The following ZNF181 variants were observed in gnomAD, a reference collection of about 807,000 sequenced individuals.
ZNF181 encodes the protein zinc finger protein 181 (HHZ181).
In ZNF181, 8 loss-of-function variants were observed where a neutral mutation model predicts 11.9. That is an observed-to-expected ratio of 0.67 (90% CI 0.39 to 1.21). ZNF181 has a LOEUF of 1.21. Ranked by LOEUF, ZNF181 falls within the 50% of genes most tolerant of loss-of-function variation. The pLI, the probability that ZNF181 is intolerant of heterozygous loss-of-function variation, is 0.01. For synonymous variants in ZNF181, 202 were observed against 221.1 expected (o/e 0.91, Z 0.77); for missense variants, 542 against 670.9 (o/e 0.81, Z 2.12).
At position 34,741,381 on chromosome 19, in the gene ZNF181, T is replaced by G; in HGVS notation, c.1000T>G (p.Ser334Ala). The G allele has an allele frequency of 6.2e-7, 1 of 1,613,868 alleles. No individual in the cohort carries two copies. Among genetic ancestry groups the G allele is most frequent in the Non-Finnish European group, 8.5e-7 (1 of 1,179,812 alleles). ...CTGTGGAAAGTCTTTTAGTCGTGTG[T>G]CCCATCTTATTGAACATCTAAGAAT... is the stretch of plus-strand genomic sequence containing the variant. Reference protein sequence around the residue: ...MNCGKSFSRVSHLIEHLRIHT... With the variant: ...MNCGKSFSRVAHLIEHLRIHT... Residue 334 changes from serine (S) to alanine (A), a missense_variant, in exon 4 of 4, where the codon TCC becomes GCC. By Grantham distance (99) the Ser-to-Ala change is moderately conservative (BLOSUM62 1). Coordinates refer to ENST00000492450, the MANE Select transcript of ZNF181 (RefSeq NM_001029997.4).
At chr19:34,735,839 T>C (rs1218612261) in intron 1 of ZNF181, among the ~76,000 whole-genome samples, 2 of 152,224 alleles carry the variant, frequency 1.3e-5, no homozygotes, top group African/African-American at 2.4e-5. Context: ...CTTGCATCCT[T>C]ATCTTCTTCG....
rs1464832711 is a variant in ZNF181, at chr19:34,743,439, T to G, written c.*1342T>G. The G allele has an allele frequency of 6.6e-6, 1 of 152,206 alleles. No homozygotes were observed. The highest frequency in any genetic ancestry group is 1.5e-5 in the Non-Finnish European group (1 of 68,034). 9.4% of individuals were successfully genotyped at this position (152,206 alleles called of 1,614,324 possible). A position where few individuals can be genotyped will look rare whatever the true frequency, so the allele number is the denominator to read the frequency against. The stretch of plus-strand genomic sequence containing the variant: ...TCAGAGCAGGCTTAGCGAGATGTGA[T>G]TTTTGAAATGAATCCTAAATGATGA... On this transcript the variant is annotated 3_prime_UTR_variant, in exon 4 of 4. Coordinates refer to ENST00000492450, the MANE Select transcript of ZNF181 (RefSeq NM_001029997.4).
In ZNF181 at chr19:34,744,840, T is replaced by G. The variant is rs1343852279; in HGVS notation, c.*2743T>G. The G allele has an allele frequency of 6.6e-6, 1 of 152,178 alleles. No individual in the cohort carries two copies. The highest frequency in any genetic ancestry group is 1.5e-5 in the Non-Finnish European group (1 of 68,028). 9.4% of individuals were successfully genotyped at this position (152,178 alleles called of 1,614,324 possible). A position where few individuals can be genotyped will look rare whatever the true frequency, so the allele number is the denominator to read the frequency against. The stretch of plus-strand genomic sequence containing the variant: ...CCACAGAGATGAAGTAGTCCTATAA[T>G]GCCCAGATTTTGTTTCCACTACACA... On this transcript the variant is annotated 3_prime_UTR_variant, in exon 4 of 4. Transcript: ENST00000492450.
At position 34,742,144 on chromosome 19, in the gene ZNF181, A is replaced by T; in HGVS notation, c.*47A>T. ...TTTCCTAGATTCTCCCTTATTTAACATTAGAAAAATTTATACTGGGGAAAG... is the reference window on the plus strand; with the variant it reads ...TTTCCTAGATTCTCCCTTATTTAACTTTAGAAAAATTTATACTGGGGAAAG... On this transcript the variant is annotated 3_prime_UTR_variant, in exon 4 of 4. Transcript: ENST00000492450. 7 of 1,496,148 alleles carry T rather than the reference A, an allele frequency of 4.7e-6. No individual in the cohort carries two copies. Among genetic ancestry groups the T allele is most frequent in the Non-Finnish European group, 6.2e-6 (7 of 1,122,564 alleles). The allele number at this position is 1,496,148 out of a possible 1,614,324, so 92.7% of individuals were successfully genotyped here.
chr19:34,735,063 G>C lies in ZNF181; in HGVS notation c.9+17G>C, dbSNP rs745572805. On this transcript the variant is annotated intron_variant, in intron 1 of 3. Transcript: ENST00000492450. ...ATGCCTCAGGTAGGTCGGTGTGTCCGCAAATCTTCCTGAAACACTTTATCA... is the reference window on the plus strand; with the variant it reads ...ATGCCTCAGGTAGGTCGGTGTGTCCCCAAATCTTCCTGAAACACTTTATCA... 1.3e-6 allele frequency: 2 copies of C among 1,568,624 alleles called. No homozygotes were observed. Among genetic ancestry groups the C allele is most frequent in the Admixed American group, 1.9e-5 (1 of 53,078 alleles).
In ZNF181 at chr19:34,740,852, C is replaced by A; in HGVS notation, c.471C>A (p.Tyr157Ter). ...CCACTGCAGACAGTGTTTACAAATA[C>A]AATATATTTAGAAGCACCTTTCATT... is the stretch of plus-strand genomic sequence containing the variant. ...ESPTADSVYK[Y>*]NIFRSTFHSK... Residue 157 changes from tyrosine (Y) to a stop codon, truncating the protein, a stop_gained, in exon 4 of 4, where the codon TAC (tyrosine) becomes TAA (stop). Coordinates refer to ENST00000492450, the MANE Select transcript of ZNF181 (RefSeq NM_001029997.4). LOFTEE classifies it low-confidence loss of function (END_TRUNC). 1 of 1,613,982 alleles carries A rather than the reference C, an allele frequency of 6.2e-7. No homozygotes were observed. Among genetic ancestry groups the A allele is most frequent in the Non-Finnish European group, 8.5e-7 (1 of 1,179,968 alleles).
rs1461609010 is a variant in ZNF181 at position 34,740,906 on chromosome 19, A to C, written c.525A>C (p.Lys175Asn). 2 of 1,613,938 alleles carry C rather than the reference A, an allele frequency of 1.2e-6. No individual in the cohort carries two copies. The highest frequency in any genetic ancestry group is 1.7e-6 in the Non-Finnish European group (2 of 1,179,984). The change falls in exon 4 of 4, where the codon AAA becomes AAC. Residue 175 changes from lysine to asparagine, a missense_variant. Transcript: ENST00000492450. ...HSKSTLSEPQ[K>N]ISAEGNSHKY... is the part of the protein sequence containing the mutation. ...AGTCTACTCTTTCTGAACCACAAAA[A>C]ATTTCTGCTGAAGGGAATTCACACA...
chr19:34,741,296 C>G lies in ZNF181; in HGVS notation c.915C>G (p.Val305=), dbSNP rs757699131. ...CIECGKAFSH[V]SSLTNHQSTH... ...AATGTGGGAAGGCCTTTAGCCATGT[C>G]TCATCACTTACTAACCATCAGAGCA... Residue 305 remains valine (V), a synonymous_variant, in exon 4 of 4, where the codon GTC becomes GTG. Coordinates refer to ENST00000492450, the MANE Select transcript of ZNF181 (RefSeq NM_001029997.4). 2.5e-6 allele frequency: 4 copies of G among 1,613,878 alleles called. No homozygotes were observed. Among genetic ancestry groups the G allele is most frequent in the Non-Finnish European group, 1.7e-6 (2 of 1,179,828 alleles).
chr19:34,741,395 A>G lies in ZNF181; in HGVS notation c.1014A>G (p.Glu338=), dbSNP rs1184352330. Residue 338 remains glutamate, a synonymous_variant, in exon 4 of 4, where the codon GAA becomes GAG. Coordinates refer to ENST00000492450, the MANE Select transcript of ZNF181 (RefSeq NM_001029997.4). ...TTAGTCGTGTGTCCCATCTTATTGAACATCTAAGAATTCATACTCAAGAAA... is the reference window on the plus strand; with the variant it reads ...TTAGTCGTGTGTCCCATCTTATTGAGCATCTAAGAATTCATACTCAAGAAA... ...KSFSRVSHLI[E]HLRIHTQEKL... 17 of 1,613,778 alleles carry G rather than the reference A, an allele frequency of 1.1e-5. No individual in the cohort carries two copies. The highest frequency in any genetic ancestry group is 3.3e-5 in the Admixed American group (2 of 59,970).
In ZNF181 at chr19:34,740,734, A is replaced by C. The variant is rs3826981; in HGVS notation, c.353A>C (p.Lys118Thr). Residue 118 changes from lysine to threonine, a missense_variant, in exon 4 of 4, where the codon AAG becomes ACG. Coordinates refer to ENST00000492450, the MANE Select transcript of ZNF181 (RefSeq NM_001029997.4). ...CAAAGTTATGAATTTTCAAATTCTAAGAAGAATTTGGAATATATAGAGAAG... is the reference window on the plus strand; with the variant it reads ...CAAAGTTATGAATTTTCAAATTCTACGAAGAATTTGGAATATATAGAGAAG... The part of the protein sequence containing the change: ...VKQSYEFSNS[K>T]KNLEYIEKLE... 1.8e-5 allele frequency: 29 copies of C among 1,613,490 alleles called. No individual in the cohort carries two copies. The highest frequency in any genetic ancestry group is 2.5e-5 in the Non-Finnish European group (29 of 1,179,766).
intron 1 of ZNF181, 132 bp from the exon 2 acceptor site, chr19:34,739,016 T>C: frequency 7.5e-7 from 1 of 1,337,714 alleles, no homozygotes; most frequent in Non-Finnish European, 1.0e-6. Flanking sequence ...TTAACTGAGA[T>C]CACATTCCCA....
At chr19:34,739,038 A>C in intron 1 of ZNF181, 110 bp from the exon 2 acceptor site, 1 of 1,507,208 alleles carries the variant, frequency 6.6e-7, no homozygotes, top group South Asian at 1.2e-5. Context: ...TCATTGCCAC[A>C]ACTCCTGAAT....
chr19:34,740,514 C>A, intron 3 of ZNF181, 97 bp from the exon 4 acceptor site: 1 of 1,248,720 alleles, frequency 8.0e-7, no homozygotes. Flanking sequence ...CTGGGGGCTT[C>A]ATTTCTAATC....
intron 1 of ZNF181, chr19:34,736,022 A>T: frequency 1.5e-6 from 1 of 673,998 alleles, no homozygotes; most frequent in Non-Finnish European, 2.7e-6. Flanking sequence ...GCACATGCTC[A>T]TTGTCTGTTC....
chr19:34,736,006 G>A (rs547013254), intron 1 of ZNF181: 4 of 656,890 alleles, frequency 6.1e-6, no homozygotes, highest in Admixed American at 4.4e-5. Context: ...TGTATGTTCA[G>A]TATATGCACA....
intron 1 of ZNF181, among the ~76,000 whole-genome samples, chr19:34,738,852 A>C (rs1723537007): frequency 6.6e-6 from 1 of 152,224 alleles, no homozygotes; most frequent in Admixed American, 6.5e-5. Flanking sequence ...TGATTTTTAA[A>C]AATTCATGTA....
In ZNF181 at chr19:34,741,037, TCAG is replaced by T; in HGVS notation, c.658_660del (p.Ser220del). On this transcript the variant is annotated inframe_deletion, in exon 4 of 4. Coordinates refer to ENST00000492450, the MANE Select transcript of ZNF181 (RefSeq NM_001029997.4). ...AATTCTAATAAAAGTGGGGCAGCCTTCAGCCAGGGCAAATCTCTTACCCTTCCC... is the reference window on the plus strand; with the variant it reads ...AATTCTAATAAAAGTGGGGCAGCCTTCCAGGGCAAATCTCTTACCCTTCCC... 2 of 1,614,160 alleles carry T rather than the reference TCAG, an allele frequency of 1.2e-6. No individual in the cohort carries two copies. Among genetic ancestry groups the T allele is most frequent in the Non-Finnish European group, 1.7e-6 (2 of 1,179,986 alleles).
At chr19:34,736,459 T>C (rs1475011883) in intron 1 of ZNF181, among the ~76,000 whole-genome samples, 1 of 152,200 alleles carries the variant, frequency 6.6e-6, no homozygotes, top group Admixed American at 6.5e-5. Flanking sequence ...CATTCATTGG[T>C]TCATCTTCTA....
In ZNF181 at chr19:34,744,385, A is replaced by G. The variant is rs7254347; in HGVS notation, c.*2288A>G. 0.95 allele frequency: 145,111 copies of G among 152,274 alleles called. 69,512 individuals are homozygous for G. Among genetic ancestry groups the G allele is most frequent in the Middle Eastern group, 0.99 (291 of 294 alleles). 9.4% of individuals were successfully genotyped at this position (152,274 alleles called of 1,614,324 possible). The stretch of plus-strand genomic sequence containing the variant: ...AGATTTATAATTAGGGAAGGGCCAG[A>G]TGTAGTGGCTAATGTCTGTACTCCC... On this transcript the variant is annotated 3_prime_UTR_variant, in exon 4 of 4. Coordinates refer to ENST00000492450, the MANE Select transcript of ZNF181 (RefSeq NM_001029997.4).
Sources: allele counts gnomAD v4.1 joint callset (sites outside exome capture counted in the v4.1 genomes callset), GRCh38; gene constraint gnomAD v4.1.1; transcripts MANE v1.5; gene names NCBI Gene and HGNC (gene_info 2026-07-23, HGNC 2026-07-21).